RBM46: variants seen among roughly 807,000 people sequenced by gnomAD.
RBM46 encodes RNA binding motif protein 46.
In RBM46, 12 loss-of-function variants were observed where a neutral mutation model predicts 43.3. That is an observed-to-expected ratio of 0.28 (90% confidence interval 0.18 to 0.45). The LOEUF is 0.45. Among genes scored for constraint, RBM46 ranks in the 20% least tolerant of loss-of-function variants. The pLI is 1.00. For synonymous variants in RBM46, 205 were observed against 207.6 expected (o/e 0.99, Z 0.11); for missense variants, 412 against 639.1 (o/e 0.64, Z 3.83).
At position 154,823,317 on chromosome 4, in the gene RBM46, T is replaced by A. The variant is rs184730051; in HGVS notation, c.1403-4551T>A. Among the ~76,000 whole-genome samples the A allele has an allele frequency of 7.8e-4, 118 of 152,058 alleles. 1 individual carries two copies. The highest frequency in any genetic ancestry group is 2.4e-3 in the African/African-American group (101 of 41,572). On this transcript the variant is annotated intron_variant, in intron 4 of 4. Coordinates refer to ENST00000281722, the MANE Select transcript of RBM46 (RefSeq NM_144979.5). ...TCTTTTTAGGATGATGAAAATGTTCTAGAATTTTATAGTGGTGCTAGTTGT... is the reference window on the plus strand; with the variant it reads ...TCTTTTTAGGATGATGAAAATGTTCAAGAATTTTATAGTGGTGCTAGTTGT...
chr4:154,827,826 C>T, intron 4 of RBM46, 42 bp from the exon 5 acceptor site: 1 of 1,606,708 alleles, frequency 6.2e-7, no homozygotes, highest in Non-Finnish European at 8.5e-7. Flanking sequence ...AATTTGTGTC[C>T]ATAAAGATGT....
intron 1 of RBM46, among the ~76,000 whole-genome samples, chr4:154,783,484 C>T (rs1465594368): frequency 1.3e-5 from 2 of 152,092 alleles, no homozygotes; most frequent in Admixed American, 1.3e-4. Context: ...CATATTAATG[C>T]CGAATGTTAT....
intron 4 of RBM46, among the ~76,000 whole-genome samples, chr4:154,821,181 T>A (rs1735705635): frequency 6.6e-6 from 1 of 151,864 alleles, no homozygotes; most frequent in Admixed American, 6.6e-5. Context: ...ATGCTTGTTA[T>A]ACTTGAGACT....
At chr4:154,826,758 C>G in intron 4 of RBM46, 2 of 814,942 alleles carry the variant, frequency 2.5e-6, no homozygotes, top group Non-Finnish European at 3.3e-6. Context: ...TTTTTTTTTT[C>G]CTGAACTAGG....
At position 154,828,163 on chromosome 4, in the gene RBM46, A is replaced by G. The variant is rs1205630898; in HGVS notation, c.*96A>G. On this transcript the variant is annotated 3_prime_UTR_variant, in exon 5 of 5. Coordinates refer to ENST00000281722, the MANE Select transcript of RBM46 (RefSeq NM_144979.5). Reference sequence around the variant, plus strand: ...TTTTATTTTAGAATCGGGTTTGCATATTTGGTTTTAAAAAGGTATTTATTC... The same window carrying G: ...TTTTATTTTAGAATCGGGTTTGCATGTTTGGTTTTAAAAAGGTATTTATTC... 15 of 958,468 alleles carry G rather than the reference A, an allele frequency of 1.6e-5. No individual in the cohort carries two copies. Among genetic ancestry groups the G allele is most frequent in the Non-Finnish European group, 2.4e-5 (15 of 614,826 alleles). The allele number at this position is 958,468 out of a possible 1,614,324, so 59.4% of individuals were successfully genotyped here. A position where few individuals can be genotyped will look rare whatever the true frequency, so the allele number is the denominator to read the frequency against.
At chr4:154,820,199 T>C (rs1735660349) in intron 4 of RBM46, among the ~76,000 whole-genome samples, 1 of 151,990 alleles carries the variant, frequency 6.6e-6, no homozygotes, top group African/African-American at 2.4e-5. Flanking sequence ...TTTATAGAAC[T>C]CCAGAAATAA....
intron 1 of RBM46, among the ~76,000 whole-genome samples, chr4:154,788,349 G>C (rs1169661297): frequency 1.3e-5 from 2 of 152,072 alleles, no homozygotes; most frequent in African/African-American, 4.8e-5. Flanking sequence ...AATCCATCTC[G>C]AATTAATTTT....
intron 1 of RBM46, among the ~76,000 whole-genome samples, chr4:154,788,715 G>A (rs560595559): frequency 9.2e-5 from 14 of 152,130 alleles, no homozygotes; most frequent in Non-Finnish European, 1.8e-4. Context: ...TTCCCATTCT[G>A]TGAAGAAAGT....
intron 4 of RBM46, among the ~76,000 whole-genome samples, chr4:154,811,553 A>G (rs1735171373): frequency 6.6e-6 from 1 of 152,126 alleles, no homozygotes; most frequent in Admixed American, 6.6e-5. Flanking sequence ...TGTAATATAA[A>G]TATTAGAAAT....
chr4:154,814,603 T>G (rs1284858001), intron 4 of RBM46, among the ~76,000 whole-genome samples: 1 of 152,016 alleles, frequency 6.6e-6, no homozygotes, highest in Non-Finnish European at 1.5e-5. Context: ...TTAACAAAGC[T>G]AATTCTAAAA....
chr4:154,814,381 C>T (rs1578940232), intron 4 of RBM46, among the ~76,000 whole-genome samples: 1 of 151,992 alleles, frequency 6.6e-6, no homozygotes, highest in East Asian at 1.9e-4. Flanking sequence ...AGGAATGACA[C>T]AAATAAGATG....
At chr4:154,803,473 G>A (rs1263039920) in intron 4 of RBM46, among the ~76,000 whole-genome samples, 1 of 151,964 alleles carries the variant, frequency 6.6e-6, no homozygotes, top group Non-Finnish European at 1.5e-5. Context: ...GGCTAAGGCG[G>A]GCGGATCACT....
chr4:154,828,348 G>A lies in RBM46; in HGVS notation c.*281G>A. 1 of 332,598 alleles carries A rather than the reference G, an allele frequency of 3.0e-6. No homozygotes were observed. Among genetic ancestry groups the A allele is most frequent in the Non-Finnish European group, 5.4e-6 (1 of 184,328 alleles). 20.6% of individuals were successfully genotyped at this position (332,598 alleles called of 1,614,324 possible). On this transcript the variant is annotated 3_prime_UTR_variant, in exon 5 of 5. Coordinates refer to ENST00000281722, the MANE Select transcript of RBM46 (RefSeq NM_144979.5). ...GGATTTTCTTCTACTTTCTGAGTGG[G>A]CAATAGAACCTAGTCATTTATGTTT...
intron 4 of RBM46, among the ~76,000 whole-genome samples, chr4:154,799,954 G>A (rs185617565): frequency 1.3e-5 from 2 of 151,854 alleles, no homozygotes; most frequent in Admixed American, 6.6e-5. Flanking sequence ...TGTATTTTTA[G>A]TAGAGACAGG....
intron 1 of RBM46, among the ~76,000 whole-genome samples, chr4:154,794,269 C>T (rs12646730): frequency 0.21 from 31,401 of 150,798 alleles, 3,984 homozygotes; most frequent in Middle Eastern, 0.29. Context: ...CAAGCTCCGC[C>T]TCCCGGGTTC....
chr4:154,820,306 A>G, intron 4 of RBM46: 1 of 1,145,632 alleles, frequency 8.7e-7, no homozygotes, highest in Non-Finnish European at 1.2e-6. Flanking sequence ...TGCACTTCCA[A>G]GATAGGGATA....
intron 1 of RBM46, among the ~76,000 whole-genome samples, chr4:154,784,549 A>AT (rs1397068645): frequency 4.0e-5 from 6 of 151,878 alleles, no homozygotes; most frequent in Non-Finnish European, 8.8e-5. Flanking sequence ...TTTTCCTTCT[A>AT]TTTTTTCTTT....
chr4:154,810,192 G>A (rs1181953988), intron 4 of RBM46, among the ~76,000 whole-genome samples: 1 of 151,938 alleles, frequency 6.6e-6, no homozygotes, highest in African/African-American at 2.4e-5. Context: ...GCCAGCCAAG[G>A]GTGAGAACTT....
intron 1 of RBM46, among the ~76,000 whole-genome samples, chr4:154,782,714 C>G (rs1024292783): frequency 6.6e-6 from 1 of 152,160 alleles, no homozygotes; most frequent in Non-Finnish European, 1.5e-5. Flanking sequence ...ATCTCTGGAC[C>G]TCATGATCCA....
Sources: gnomAD v4.1 joint callset for allele counts (sites outside exome capture counted in the v4.1 genomes callset) on GRCh38, gnomAD v4.1.1 for gene constraint, MANE v1.5 for transcripts, NCBI Gene and HGNC (gene_info 2026-07-23, HGNC 2026-07-21) for gene names.